Variants in ADAMTS12 observed in about 807,000 individuals in gnomAD.
The protein encoded by ADAMTS12 is ADAM metallopeptidase with thrombospondin type 1 motif 12.
A neutral mutation model predicts 167.8 loss-of-function variants in ADAMTS12; 118 were observed. That is an observed-to-expected ratio of 0.70 (90% CI 0.61 to 0.82). The LOEUF is 0.82. ADAMTS12 is among the 40% of genes least tolerant of loss of function. The probability of loss-of-function intolerance (pLI) is 0.00; values close to 1 mark genes in which losing one functional copy is unlikely to be tolerated. For synonymous variants in ADAMTS12, 704 were observed against 716.9 expected, an observed-to-expected ratio of 0.98 and a Z score of 0.29; for missense variants, 1,916 against 1,998.8, an observed-to-expected ratio of 0.96 and a Z score of 0.79.
chr5:33,528,436 G>GA (rs1261427851), intron 23 of ADAMTS12, among the ~76,000 whole-genome samples: 2 of 152,090 alleles, frequency 1.3e-5, no homozygotes, highest in African/African-American at 2.4e-5. Context: ...TTGTAAAAAA[G>GA]AAAAAAATAC....
chr5:33,638,433 C>T (rs1337689445), intron 11 of ADAMTS12, among the ~76,000 whole-genome samples: 2 of 152,224 alleles, frequency 1.3e-5, no homozygotes, highest in Non-Finnish European at 2.9e-5. Flanking sequence ...TTACTTCCCA[C>T]ACTCTGCTTC....
At chr5:33,645,725 C>T (rs1388263604) in intron 9 of ADAMTS12, among the ~76,000 whole-genome samples, 1 of 152,070 alleles carries the variant, frequency 6.6e-6, no homozygotes, top group Non-Finnish European at 1.5e-5. Context: ...AAAGTTATAA[C>T]ATGGATAATG....
At chr5:33,592,880 C>T (rs1034421137) in intron 17 of ADAMTS12, among the ~76,000 whole-genome samples, 4 of 152,134 alleles carry the variant, frequency 2.6e-5, no homozygotes, top group Non-Finnish European at 5.9e-5. Flanking sequence ...CATGGAAATT[C>T]GGTGACAGAA....
intron 2 of ADAMTS12, among the ~76,000 whole-genome samples, chr5:33,773,208 C>G (rs1304254043): frequency 1.3e-5 from 2 of 152,152 alleles, no homozygotes; most frequent in Non-Finnish European, 2.9e-5. Flanking sequence ...TGAATTTAGA[C>G]TCAGACAGTA....
rs559671445 is a variant in ADAMTS12 at position 33,787,992 on chromosome 5, G to A, written c.490-36444C>T. On this transcript the variant is annotated intron_variant, in intron 2 of 23. Coordinates refer to ENST00000504830, the MANE Select transcript of ADAMTS12 (RefSeq NM_030955.4). ...GGAAGGGCACAGCCTCACTCAAACG[G>A]GAGGGAAATGGCAACACTTAGCCAC... 4.6e-5 allele frequency among the ~76,000 whole-genome samples: 7 copies of A among 152,236 alleles called. No individual in the cohort carries two copies. The South Asian group carries it at 1.4e-3, about 32-fold the overall frequency.
chr5:33,669,533 G>A (rs963517745), intron 5 of ADAMTS12, among the ~76,000 whole-genome samples: 1 of 151,902 alleles, frequency 6.6e-6, no homozygotes, highest in African/African-American at 2.4e-5. Context: ...ATTTGTTTTC[G>A]GAATACATCA....
At chr5:33,608,137 T>C (rs1277387512) in intron 16 of ADAMTS12, among the ~76,000 whole-genome samples, 1 of 152,192 alleles carries the variant, frequency 6.6e-6, no homozygotes, top group Non-Finnish European at 1.5e-5. Flanking sequence ...ATGCATCTCT[T>C]CATCTGTTTC....
intron 3 of ADAMTS12, among the ~76,000 whole-genome samples, chr5:33,728,232 G>A (rs751316266): frequency 3.9e-5 from 6 of 152,070 alleles, no homozygotes; most frequent in African/African-American, 9.7e-5. Flanking sequence ...TATCCCACTC[G>A]GGATGTTCAC....
rs182669884 is a variant in ADAMTS12 at position 33,857,769 on chromosome 5, A to C, written c.489+23350T>G. 2.4e-3 allele frequency among the ~76,000 whole-genome samples: 361 copies of C among 152,362 alleles called. 2 individuals are homozygous for C. The highest frequency in any genetic ancestry group is 8.3e-3 in the African/African-American group (347 of 41,588). Reference sequence around the variant, plus strand: ...TGCCAGAGACAGAGATAAACATTATACAATGATAACCATGTCGCTTCACCT... The same window carrying C: ...TGCCAGAGACAGAGATAAACATTATCCAATGATAACCATGTCGCTTCACCT... On this transcript the variant is annotated intron_variant, in intron 2 of 23. Transcript: ENST00000504830.
intron 3 of ADAMTS12, among the ~76,000 whole-genome samples, chr5:33,715,572 T>C (rs1743575603): frequency 6.6e-6 from 1 of 152,166 alleles, no homozygotes; most frequent in Non-Finnish European, 1.5e-5. Flanking sequence ...CTAGATTCTT[T>C]ACAAACTCTT....
At chr5:33,705,642 T>C (rs1344453036) in intron 3 of ADAMTS12, among the ~76,000 whole-genome samples, 1 of 151,930 alleles carries the variant, frequency 6.6e-6, no homozygotes, top group Non-Finnish European at 1.5e-5. Context: ...TGAAACCATC[T>C]CTACTAAAAA....
intron 3 of ADAMTS12, among the ~76,000 whole-genome samples, chr5:33,689,537 G>T (rs528533014): frequency 6.6e-6 from 1 of 152,250 alleles, no homozygotes; most frequent in Admixed American, 6.5e-5. Context: ...TAGGAGGTAG[G>T]TGACCTTTTG....
At chr5:33,672,331 C>T (rs562525772) in intron 5 of ADAMTS12, among the ~76,000 whole-genome samples, 1 of 151,648 alleles carries the variant, frequency 6.6e-6, no homozygotes, top group East Asian at 1.9e-4. Flanking sequence ...CACATACACA[C>T]ACACATACAT....
chr5:33,662,076 G>A (rs1307082555), intron 5 of ADAMTS12, 36 bp from the exon 6 acceptor site: 9 of 1,599,362 alleles, frequency 5.6e-6, no homozygotes, highest in Non-Finnish European at 7.6e-6. Flanking sequence ...GCATGGGAGA[G>A]CTCACTGTGG....
chr5:33,665,197 C>A (rs900653475), intron 5 of ADAMTS12, among the ~76,000 whole-genome samples: 7 of 152,026 alleles, frequency 4.6e-5, no homozygotes, highest in African/African-American at 1.7e-4. Flanking sequence ...TATGTGGAAT[C>A]TATAAAAGTA....
chr5:33,613,968 C>T (rs533610371), intron 16 of ADAMTS12, among the ~76,000 whole-genome samples: 4 of 152,140 alleles, frequency 2.6e-5, no homozygotes, highest in Admixed American at 1.3e-4. Context: ...TTGTTTGACA[C>T]GTAATGAAAC....
rs185363220 is a variant in ADAMTS12 at position 33,553,377 on chromosome 5, G to A, written c.4126-3994C>T. On this transcript the variant is annotated intron_variant, in intron 20 of 23. Transcript: ENST00000504830. ...TCCCATTACTGGGTATATACCCAAA[G>A]GAATATAAATTATTCTGTTATAAAG... 4.6e-5 allele frequency among the ~76,000 whole-genome samples: 7 copies of A among 152,256 alleles called. No homozygotes were observed. The East Asian group carries it at 7.7e-4, about 17-fold the overall frequency.
intron 18 of ADAMTS12, among the ~76,000 whole-genome samples, chr5:33,580,775 G>A (rs1391167744): frequency 1.3e-5 from 2 of 152,152 alleles, no homozygotes; most frequent in Non-Finnish European, 1.5e-5. Flanking sequence ...GCAATTTTAT[G>A]TTAATAAAAT....
intron 2 of ADAMTS12, among the ~76,000 whole-genome samples, chr5:33,843,216 T>C (rs575190609): frequency 5.9e-5 from 9 of 152,338 alleles, no homozygotes; most frequent in Admixed American, 2.6e-4. Flanking sequence ...GACATCTGCA[T>C]AGGCATGATA....
Sources: allele counts gnomAD v4.1 joint callset (sites outside exome capture counted in the v4.1 genomes callset), GRCh38; gene constraint gnomAD v4.1.1; transcripts MANE v1.5; gene names NCBI Gene and HGNC (gene_info 2026-07-23, HGNC 2026-07-21).